The following FBXO10 variants were observed in gnomAD, a reference collection of about 807,000 sequenced individuals.
FBXO10 encodes F-box only protein 10.
In FBXO10, 39 loss-of-function variants were observed where a neutral mutation model predicts 80.7. The ratio of observed to expected loss-of-function variants is 0.48; its 90% CI spans 0.37 to 0.63. The LOEUF is 0.63. FBXO10 is among the 30% of genes least tolerant of loss of function. The pLI is 0.00. For missense variants in FBXO10, 1,025 were observed against 1,269.0 expected (o/e 0.81, Z 2.92); for synonymous variants, 449 against 489.6 (o/e 0.92, Z 1.09).
intron 1 of FBXO10, among the ~76,000 whole-genome samples, chr9:37,561,137 G>A (rs933714751): frequency 1.9e-4 from 29 of 148,916 alleles, no homozygotes; most frequent in Non-Finnish European, 2.4e-4. Context: ...GCAAGACTCC[G>A]TCTCAAAAAA....
intron 3 of FBXO10, among the ~76,000 whole-genome samples, chr9:37,532,745 G>A (rs1291431368): frequency 6.6e-6 from 1 of 152,186 alleles, no homozygotes; most frequent in Non-Finnish European, 1.5e-5. Flanking sequence ...TAGAAAGGAC[G>A]CTTAGGGGAA....
At chr9:37,564,436 C>A (rs1040055210) in intron 1 of FBXO10, among the ~76,000 whole-genome samples, 4 of 152,134 alleles carry the variant, frequency 2.6e-5, no homozygotes, top group African/African-American at 9.7e-5. Context: ...CCAGACCCCA[C>A]AATGGCAGAT....
At position 37,520,256 on chromosome 9, in the gene FBXO10, G is replaced by T. The variant is rs550245018; in HGVS notation, c.2200+1313C>A. ...GGCTTTGGGAGCCCTGGAGTTAGGT[G>T]AACTACACAGTAATTATTTTTTTTT... On this transcript the variant is annotated intron_variant, in intron 8 of 10. Coordinates refer to ENST00000432825, the MANE Select transcript of FBXO10 (RefSeq NM_012166.3). Among the ~76,000 whole-genome samples the T allele has an allele frequency of 4.3e-5, 6 of 140,668 alleles. 1 individual carries two copies. The highest frequency in any genetic ancestry group is 1.6e-4 in the African/African-American group (6 of 38,320). 92.3% of individuals were successfully genotyped at this position (140,668 alleles called of 152,430 possible). A position where few individuals can be genotyped will look rare whatever the true frequency, so the allele number is the denominator to read the frequency against.
At chr9:37,568,936 G>C (rs1247454839) in intron 1 of FBXO10, among the ~76,000 whole-genome samples, 4 of 152,180 alleles carry the variant, frequency 2.6e-5, no homozygotes, top group Admixed American at 1.3e-4. Context: ...CCAAAGAAGG[G>C]AAGACAGCTG....
At chr9:37,517,517 T>C (rs1821215345) in intron 9 of FBXO10, among the ~76,000 whole-genome samples, 1 of 151,956 alleles carries the variant, frequency 6.6e-6, no homozygotes, top group African/African-American at 2.4e-5. Context: ...CCAAGCCCTG[T>C]GGGGAGTGCT....
At chr9:37,520,010 T>TC (rs1312810127) in intron 8 of FBXO10, among the ~76,000 whole-genome samples, 2 of 152,098 alleles carry the variant, frequency 1.3e-5, no homozygotes, top group African/African-American at 4.8e-5. Flanking sequence ...ATTTTTTTTT[T>TC]CTCAGTAGAG....
At chr9:37,575,135 T>C (rs1157356824) in intron 1 of FBXO10, among the ~76,000 whole-genome samples, 1 of 151,744 alleles carries the variant, frequency 6.6e-6, no homozygotes, top group South Asian at 2.1e-4. Context: ...CGTACTGTGT[T>C]TTTTTTTTCG....
chr9:37,553,368 C>A (rs1295533531), intron 1 of FBXO10, among the ~76,000 whole-genome samples: 3 of 152,024 alleles, frequency 2.0e-5, no homozygotes, highest in African/African-American at 7.2e-5. Context: ...GTTATGAAGT[C>A]ATGGACTGAC....
At chr9:37,553,983 T>C (rs902018977) in intron 1 of FBXO10, among the ~76,000 whole-genome samples, 2 of 149,260 alleles carry the variant, frequency 1.3e-5, no homozygotes, top group Non-Finnish European at 3.0e-5. Flanking sequence ...TTTACCCCAA[T>C]GGTAACATTT....
chr9:37,551,998 T>C (rs1029396281), intron 1 of FBXO10, among the ~76,000 whole-genome samples: 2 of 152,348 alleles, frequency 1.3e-5, no homozygotes, highest in Admixed American at 1.3e-4. Flanking sequence ...CAGACATTGA[T>C]TCAGCCAAGT....
intron 1 of FBXO10, among the ~76,000 whole-genome samples, chr9:37,567,943 C>T (rs1211211412): frequency 1.3e-5 from 2 of 152,122 alleles, no homozygotes; most frequent in Non-Finnish European, 2.9e-5. Flanking sequence ...CTCTACCTCA[C>T]AGGATGGATA....
intron 7 of FBXO10, 199 bp downstream of exon 7, chr9:37,522,626 C>G: frequency 8.2e-7 from 1 of 1,224,296 alleles, no homozygotes; most frequent in Non-Finnish European, 1.1e-6. Context: ...GCTAACCCCA[C>G]GGGGTCAATC....
chr9:37,574,873 C>T (rs144807468), intron 1 of FBXO10, among the ~76,000 whole-genome samples: 132 of 152,296 alleles, frequency 8.7e-4, no homozygotes, highest in African/African-American at 3.0e-3. Context: ...ATGTCCAGAT[C>T]CTAGTAGGTG....
At chr9:37,537,011 T>G in intron 3 of FBXO10, 99 bp downstream of exon 3, 1 of 934,050 alleles carries the variant, frequency 1.1e-6, no homozygotes, top group South Asian at 1.7e-5. Flanking sequence ...CGTGAATAAG[T>G]TTAAAGAAAA....
At chr9:37,513,809 C>T (rs747713696) in intron 10 of FBXO10, among the ~76,000 whole-genome samples, 31 of 152,030 alleles carry the variant, frequency 2.0e-4, no homozygotes, top group Non-Finnish European at 2.6e-4. Context: ...AGGCTGGTCT[C>T]GAAATCCCGA....
At chr9:37,535,255 G>C (rs957381637) in intron 3 of FBXO10, among the ~76,000 whole-genome samples, 5 of 152,062 alleles carry the variant, frequency 3.3e-5, no homozygotes, top group Non-Finnish European at 5.9e-5. Flanking sequence ...AAATACTACA[G>C]AGCTCAGTCC....
intron 10 of FBXO10, among the ~76,000 whole-genome samples, chr9:37,514,821 G>A (rs1039116388): frequency 5.9e-5 from 9 of 151,490 alleles, no homozygotes; most frequent in Admixed American, 1.3e-4. Context: ...GCAACAGAGT[G>A]AGACTTGGTC....
chr9:37,543,321 T>C (rs555607320), intron 1 of FBXO10, among the ~76,000 whole-genome samples: 1 of 152,318 alleles, frequency 6.6e-6, no homozygotes, highest in East Asian at 1.9e-4. Flanking sequence ...TGACTGCAAC[T>C]GATTGGACTC....
In FBXO10 at chr9:37,537,538, A is replaced by C; in HGVS notation, c.991T>G (p.Ser331Ala). ...TCTGCCTCCTGTGAGCCAGCCTTGG[A>C]GCCTGGCTTTGGGGAGCTAGAGGCT... ...SPASSSPKPG[S>A]KAGSQEAEVG... Residue 331 changes from serine (S) to alanine (A), a missense_variant, in exon 3 of 11, where the codon TCC becomes GCC. Transcript: ENST00000432825. The C allele has an allele frequency of 6.2e-7, 1 of 1,613,118 alleles. No individual in the cohort carries two copies. The highest frequency in any genetic ancestry group is 8.5e-7 in the Non-Finnish European group (1 of 1,179,592).
Sources: gnomAD v4.1 joint callset for allele counts (sites outside exome capture counted in the v4.1 genomes callset) on GRCh38, gnomAD v4.1.1 for gene constraint, MANE v1.5 for transcripts, NCBI Gene and HGNC (gene_info 2026-07-23, HGNC 2026-07-21) for gene names.